Variants in ANXA11 observed in about 807,000 individuals in gnomAD.
ANXA11 encodes the protein annexin A11, also known as 56 kDa autoantigen.
Under a neutral mutation model 64.7 loss-of-function variants are expected in ANXA11, and 57 were observed. That is an observed-to-expected ratio of 0.88 (90% CI 0.71 to 1.10). The LOEUF (loss-of-function observed/expected upper bound fraction) is 1.10, where lower values mean the gene tolerates loss of function less well. ANXA11 is among the 50% of genes least tolerant of loss of function. ANXA11 has a pLI of 0.00. For missense variants in ANXA11, 675 were observed against 670.7 expected, an observed-to-expected ratio of 1.01 and a Z score of -0.07; for synonymous variants, 260 against 265.2, an observed-to-expected ratio of 0.98 and a Z score of 0.19.
At chr10:80,170,260 G>C (rs1299325753) in intron 4 of ANXA11, among the ~76,000 whole-genome samples, 1 of 152,082 alleles carries the variant, frequency 6.6e-6, no homozygotes, top group African/African-American at 2.4e-5. Context: ...GGTGTGTATT[G>C]GTTGCATAAT....
At chr10:80,196,929 C>T (rs1053005427) in intron 1 of ANXA11, among the ~76,000 whole-genome samples, 4 of 152,166 alleles carry the variant, frequency 2.6e-5, no homozygotes, top group African/African-American at 9.7e-5. Context: ...TGGCAGCGTC[C>T]GGAGCCTCAC....
intron 8 of ANXA11, among the ~76,000 whole-genome samples, chr10:80,164,396 A>C (rs530471034): frequency 6.6e-6 from 1 of 152,266 alleles, no homozygotes; most frequent in East Asian, 1.9e-4. Context: ...CAGAAAACTG[A>C]GCATCAGAGA....
At chr10:80,185,811 A>G (rs948604981) in intron 1 of ANXA11, among the ~76,000 whole-genome samples, 1 of 152,236 alleles carries the variant, frequency 6.6e-6, no homozygotes, top group Non-Finnish European at 1.5e-5. Flanking sequence ...CCCAGACTTT[A>G]CCACTACACT....
intron 1 of ANXA11, among the ~76,000 whole-genome samples, chr10:80,187,043 C>T (rs572057629): frequency 2.7e-4 from 41 of 152,344 alleles, no homozygotes; most frequent in Non-Finnish European, 5.3e-4. Flanking sequence ...CAGGCCAGCA[C>T]GTGATGGGCA....
At chr10:80,161,362 C>G (rs1464238338) in intron 12 of ANXA11, among the ~76,000 whole-genome samples, 1 of 152,226 alleles carries the variant, frequency 6.6e-6, no homozygotes, top group Non-Finnish European at 1.5e-5. Context: ...CCCGGTGGAC[C>G]CTACCATCAC....
rs116419395 is a variant in ANXA11, at chr10:80,172,650, G to A, written c.55+157C>T. ...CATGCTCTTCTCCAGCCCCTGCCTC[G>A]GCTGGCTGTCCCACTACTCCTGTTG... is the stretch of plus-strand genomic sequence containing the variant. On this transcript the variant is annotated intron_variant, in intron 3 of 15. Coordinates refer to ENST00000422982, the MANE Select transcript of ANXA11 (RefSeq NM_145868.2). Among the ~76,000 whole-genome samples the A allele has an allele frequency of 4.8e-3, 726 of 152,114 alleles. 2 individuals carry two copies. Among genetic ancestry groups the A allele is most frequent in the African/African-American group, 0.016 (673 of 41,508 alleles).
rs567290431 is a variant in ANXA11, at chr10:80,152,525, G to C, written c.*3328C>G. On this transcript the variant is annotated 3_prime_UTR_variant, in exon 16 of 16. Transcript: ENST00000422982. ...GGTCCACAACTATGCCAAATGTCAT[G>C]CCCAGGGTCAGGTTCCAGCCCATGC... is the stretch of plus-strand genomic sequence containing the variant. The C allele has an allele frequency of 6.6e-6, 1 of 152,602 alleles. No individual in the cohort carries two copies. Among genetic ancestry groups the C allele is most frequent in the East Asian group, 1.9e-4 (1 of 5,208 alleles). The allele number at this position is 152,602 out of a possible 1,614,324, so 9.5% of individuals were successfully genotyped here.
At position 80,166,977 on chromosome 10, in the gene ANXA11, A is replaced by G; in HGVS notation, c.657T>C (p.Asp219=). The change falls in exon 7 of 16, where the codon GAT becomes GAC. Residue 219 remains aspartate, a synonymous_variant. Coordinates refer to ENST00000422982, the MANE Select transcript of ANXA11 (RefSeq NM_145868.2). The stretch of plus-strand genomic sequence containing the variant: ...CCAGGCAGTCAATGATGGCCTGCTC[A>G]TCCGTCCCTGGAGGAAGAGGCAGCA... ...LRKAMKGFGT[D]EQAIIDCLGS... The G allele has an allele frequency of 6.2e-7, 1 of 1,600,110 alleles. No homozygotes were observed. Among genetic ancestry groups the G allele is most frequent in the African/African-American group, 1.3e-5 (1 of 74,668 alleles).
Position 80,166,999 on chromosome 10 carries a change from A to C in ANXA11, c.650-15T>G. 1 of 1,562,838 alleles carries C rather than the reference A, an allele frequency of 6.4e-7. No homozygotes were observed. The highest frequency in any genetic ancestry group is 8.7e-7 in the Non-Finnish European group (1 of 1,146,388). The stretch of plus-strand genomic sequence containing the variant: ...CTCATCCGTCCCTGGAGGAAGAGGC[A>C]GCAGGGGTGGGTCGGGTAGGGGTCA... On this transcript the variant is annotated splice_polypyrimidine_tract_variant and intron_variant, in intron 6 of 15. Transcript: ENST00000422982.
At chr10:80,175,947 G>A (rs545888443) in intron 2 of ANXA11, among the ~76,000 whole-genome samples, 160 bp downstream of exon 2, 18 of 152,206 alleles carry the variant, frequency 1.2e-4, no homozygotes, top group South Asian at 6.2e-4. Flanking sequence ...CCAGCTACTC[G>A]GGAGGCTGAG....
intron 2 of ANXA11, among the ~76,000 whole-genome samples, chr10:80,174,115 C>A (rs866376873): frequency 1.3e-5 from 2 of 151,798 alleles, no homozygotes; most frequent in Non-Finnish European, 2.9e-5. Flanking sequence ...AGTGCACTGG[C>A]ACAATCATGG....
At chr10:80,195,037 G>C (rs1275644825) in intron 1 of ANXA11, among the ~76,000 whole-genome samples, 6 of 152,184 alleles carry the variant, frequency 3.9e-5, no homozygotes, top group Non-Finnish European at 7.3e-5. Flanking sequence ...TCTCACCACA[G>C]GCTGAGGAAG....
intron 11 of ANXA11, 140 bp from the exon 12 acceptor site, chr10:80,162,168 C>T: frequency 3.2e-6 from 2 of 625,002 alleles, no homozygotes; most frequent in Non-Finnish European, 5.6e-6. Context: ...TAGATGGCCT[C>T]TAAAGTGCCT....
chr10:80,171,412 G>A (rs181008796), intron 3 of ANXA11: 1 of 377,072 alleles, frequency 2.7e-6, no homozygotes, highest in Non-Finnish European at 3.7e-6. Flanking sequence ...GAGGGACATG[G>A]GGCTGGGTCA....
chr10:80,171,188 A>G, intron 3 of ANXA11: 1 of 1,307,866 alleles, frequency 7.6e-7, no homozygotes, highest in Non-Finnish European at 9.8e-7. Context: ...GGAGGCTGGG[A>G]GAGCCCAGGC....
chr10:80,172,844 A>G lies in ANXA11; in HGVS notation c.18T>C (p.Tyr6=). MSYPG[Y]PPPPGGYPPA... ...GTGGGTAGCCACCTGGGGGCGGGGG[A>G]TAGCCAGGGTAGCTCATGGTTAGAT... Residue 6 remains tyrosine (Y), a synonymous_variant, in exon 3 of 16, where the codon TAT becomes TAC. Transcript: ENST00000422982. 6.2e-7 allele frequency: 1 copy of G among 1,613,858 alleles called. No homozygotes were observed. Among genetic ancestry groups the G allele is most frequent in the Non-Finnish European group, 8.5e-7 (1 of 1,179,904 alleles).
intron 1 of ANXA11, among the ~76,000 whole-genome samples, chr10:80,194,645 C>G (rs1589451227): frequency 6.6e-6 from 1 of 152,290 alleles, no homozygotes; most frequent in East Asian, 1.9e-4. Flanking sequence ...GCCTCGTCTA[C>G]CTCACCTATT....
At chr10:80,198,840 T>C (rs1357499654) in intron 1 of ANXA11, among the ~76,000 whole-genome samples, 4 of 152,116 alleles carry the variant, frequency 2.6e-5, no homozygotes, top group South Asian at 4.2e-4. Context: ...AAGATGACGA[T>C]GAGAAACTTA....
At chr10:80,176,485 G>A (rs1373056835) in intron 1 of ANXA11, among the ~76,000 whole-genome samples, 1 of 152,202 alleles carries the variant, frequency 6.6e-6, no homozygotes, top group East Asian at 1.9e-4. Context: ...GGAAAGGTGG[G>A]GCTAGAAAAT....
Sources: gnomAD v4.1 joint callset for allele counts (sites outside exome capture counted in the v4.1 genomes callset) on GRCh38, gnomAD v4.1.1 for gene constraint, MANE v1.5 for transcripts, NCBI Gene and HGNC (gene_info 2026-07-23, HGNC 2026-07-21) for gene names.